AR: variants seen among roughly 807,000 people sequenced by gnomAD.
The protein encoded by AR is androgen receptor.
Under a neutral mutation model 53.9 loss-of-function variants are expected in AR, and 8 were observed. The observed-to-expected ratio is 0.15, with a 90% CI of 0.09 to 0.27. The LOEUF is 0.27. Among genes scored for constraint, AR ranks in the 10% least tolerant of loss-of-function variants. AR has a pLI of 1.00. For missense variants in AR, 639 were observed against 742.5 expected (o/e 0.86, Z 1.62); for synonymous variants, 359 against 316.4 (o/e 1.13, Z -1.43).
chrX:67,692,880 C>T (rs1393491662), intron 3 of AR, among the ~76,000 whole-genome samples: 2 of 111,906 alleles, frequency 1.8e-5, no homozygotes, highest in African/African-American at 3.2e-5. Flanking sequence ...TGAAACAACC[C>T]TTGAAATTTC....
chrX:67,548,810 G>T (rs983407768), intron 1 of AR, among the ~76,000 whole-genome samples: 1 of 111,888 alleles, frequency 8.9e-6, no homozygotes, highest in African/African-American at 3.2e-5. Flanking sequence ...ATATCTTGGT[G>T]CCTCCTTGAC....
chrX:67,666,005 A>G (rs1927244199), intron 2 of AR, among the ~76,000 whole-genome samples: 1 of 111,649 alleles, frequency 9.0e-6, no homozygotes, highest in African/African-American at 3.3e-5. Flanking sequence ...GTGTATAATA[A>G]TCACCAGAGT....
intron 1 of AR, among the ~76,000 whole-genome samples, chrX:67,605,728 G>T (rs947390986): frequency 8.9e-6 from 1 of 112,154 alleles, no homozygotes; most frequent in Admixed American, 9.5e-5. Context: ...TGGCTGCCAA[G>T]CAGCAGAAAG....
intron 3 of AR, chrX:67,695,602 G>A: frequency 2.7e-6 from 2 of 753,693 alleles, no homozygotes; most frequent in Non-Finnish European, 3.1e-6. Flanking sequence ...CTGCTCCATA[G>A]CTTCCATATT....
intron 1 of AR, among the ~76,000 whole-genome samples, chrX:67,623,025 A>C (rs1365616357): frequency 9.0e-6 from 1 of 111,400 alleles, no homozygotes; most frequent in Admixed American, 9.6e-5. Context: ...TGAATAAATG[A>C]ATGAAAAGTA....
At chrX:67,581,363 A>C (rs1922288731) in intron 1 of AR, among the ~76,000 whole-genome samples, 1 of 111,791 alleles carries the variant, frequency 8.9e-6, no homozygotes, top group Admixed American at 9.5e-5. Context: ...GGCATATCTT[A>C]TTGCAAGAAA....
chrX:67,667,649 G>T (rs750151746), intron 2 of AR, among the ~76,000 whole-genome samples: 21 of 111,493 alleles, frequency 1.9e-4, no homozygotes, highest in African/African-American at 6.5e-4. Context: ...GATAGCTTCA[G>T]GTAGTGTGGA....
At chrX:67,600,879 A>G (rs979033983) in intron 1 of AR, among the ~76,000 whole-genome samples, 2 of 111,485 alleles carry the variant, frequency 1.8e-5, no homozygotes, top group African/African-American at 6.5e-5. Context: ...AAAAACAAAA[A>G]TAAAAACCAT....
rs1325913325 is a variant in AR, at chrX:67,727,966, C to T, written c.*4125C>T. Reference sequence around the variant, plus strand: ...TGATGCCTTTGTAGGCAGATCTGTTCTCACCATTAATCTTTTTGAAAATCT... The same window carrying T: ...TGATGCCTTTGTAGGCAGATCTGTTTTCACCATTAATCTTTTTGAAAATCT... On this transcript the variant is annotated 3_prime_UTR_variant, in exon 8 of 8. Coordinates refer to ENST00000374690, the MANE Select transcript of AR (RefSeq NM_000044.6). 4 of 173,445 alleles carry T rather than the reference C, an allele frequency of 2.3e-5. No individual in the cohort carries two copies. The highest frequency in any genetic ancestry group is 4.4e-5 in the Non-Finnish European group (4 of 90,982). 14.3% of individuals were successfully genotyped at this position (173,445 alleles called of 1,213,427 possible). A position where few individuals can be genotyped will look rare whatever the true frequency, so the allele number is the denominator to read the frequency against.
Position 67,650,257 on chromosome X carries a change from T to G in AR, c.1768+6850T>G, listed in dbSNP as rs149223962. The stretch of plus-strand genomic sequence containing the variant: ...AAAGAGCCCATATACCCAAGACAAT[T>G]CTAAGCAAAAAGAATAAAGCTGGAG... On this transcript the variant is annotated intron_variant, in intron 2 of 7. Transcript: ENST00000374690. 2.0e-3 allele frequency among the ~76,000 whole-genome samples: 220 copies of G among 112,112 alleles called. 2 individuals carry two copies. Among genetic ancestry groups the G allele is most frequent in the African/African-American group, 6.9e-3 (213 of 30,924 alleles).
chrX:67,573,226 T>C (rs1921903395), intron 1 of AR, among the ~76,000 whole-genome samples: 1 of 111,866 alleles, frequency 8.9e-6, no homozygotes, highest in Admixed American at 9.5e-5. Flanking sequence ...CCATTAACAA[T>C]GCTCAAGTTA....
In AR at chrX:67,689,499, T is replaced by A. The variant is rs372753567; in HGVS notation, c.1885+3373T>A. The stretch of plus-strand genomic sequence containing the variant: ...TCAGTTCAGAGATACTTAATAGATA[T>A]AGCTTTTTCTTTCCTGCTTCCAGGC... On this transcript the variant is annotated intron_variant, in intron 3 of 7. Transcript: ENST00000374690. The A allele has an allele frequency of 1.4e-5, 11 of 796,574 alleles. No homozygotes were observed. In the East Asian group the frequency reaches 8.2e-4, roughly 60 times the overall value. 65.6% of individuals were successfully genotyped at this position (796,574 alleles called of 1,213,427 possible).
chrX:67,616,550 G>T (rs1439811315), intron 1 of AR, among the ~76,000 whole-genome samples: 3 of 111,324 alleles, frequency 2.7e-5, no homozygotes, highest in Non-Finnish European at 5.7e-5. Context: ...TGGCTGCATA[G>T]TAGTCCATCG....
At chrX:67,714,989 C>A (rs1346817888) in intron 4 of AR, among the ~76,000 whole-genome samples, 2 of 111,561 alleles carry the variant, frequency 1.8e-5, no homozygotes, top group African/African-American at 6.5e-5. Context: ...ATTAAGCTTT[C>A]CCTTTTCTCT....
chrX:67,659,720 A>T (rs1467824200), intron 2 of AR, among the ~76,000 whole-genome samples: 1 of 111,594 alleles, frequency 9.0e-6, no homozygotes, highest in African/African-American at 3.3e-5. Flanking sequence ...TATAATCCTT[A>T]GGGTATATAC....
chrX:67,684,008 G>A (rs1413248359), intron 2 of AR, among the ~76,000 whole-genome samples: 2 of 111,939 alleles, frequency 1.8e-5, no homozygotes, highest in African/African-American at 6.5e-5. Flanking sequence ...TGACAAACTA[G>A]GGTCCAAGAA....
chrX:67,660,856 T>A (rs1053910916), intron 2 of AR, among the ~76,000 whole-genome samples: 13 of 111,955 alleles, frequency 1.2e-4, no homozygotes, highest in Non-Finnish European at 2.4e-4. Context: ...GCATGGAATG[T>A]TCTTCCATTT....
chrX:67,551,526 G>T (rs1013013642), intron 1 of AR, among the ~76,000 whole-genome samples: 6 of 111,433 alleles, frequency 5.4e-5, no homozygotes, highest in Middle Eastern at 9.3e-3. Context: ...GTACGGAAGA[G>T]AATTATGAAA....
chrX:67,726,100 T>G lies in AR; in HGVS notation c.*2259T>G, dbSNP rs2076156656. 1 of 174,302 alleles carries G rather than the reference T, an allele frequency of 5.7e-6. No individual in the cohort carries two copies. Among genetic ancestry groups the G allele is most frequent in the Non-Finnish European group, 1.1e-5 (1 of 91,508 alleles). 14.4% of individuals were successfully genotyped at this position (174,302 alleles called of 1,213,427 possible). On this transcript the variant is annotated 3_prime_UTR_variant, in exon 8 of 8. Coordinates refer to ENST00000374690, the MANE Select transcript of AR (RefSeq NM_000044.6). ...ATCCACAAGGGTTTCCTTCCCTGAT[T>G]TCTGCATTGATATTAATAGCCAAAC...
Sources: allele counts gnomAD v4.1 joint callset (sites outside exome capture counted in the v4.1 genomes callset), GRCh38; gene constraint gnomAD v4.1.1; transcripts MANE v1.5; gene names NCBI Gene and HGNC (gene_info 2026-07-23, HGNC 2026-07-21).